The following RNLS variants were observed in gnomAD, a reference collection of about 807,000 sequenced individuals.
RNLS encodes the protein renalase.
RNLS carries 39 observed loss-of-function variants against 39.8 expected under a neutral mutation model. The observed-to-expected ratio is 0.98, with a 90% CI of 0.76 to 1.28. The LOEUF is 1.28. RNLS is among the 50% of genes most tolerant of loss of function. The probability of loss-of-function intolerance (pLI) is 0.00; values close to 1 mark genes in which losing one functional copy is unlikely to be tolerated. For synonymous variants in RNLS, 147 were observed against 150.7 expected (o/e 0.98, Z 0.18); for missense variants, 410 against 413.3 (o/e 0.99, Z 0.07).
chr10:88,252,106 T>C, the RNLS span, among the ~76,000 whole-genome samples: 5 of 152,222 alleles, frequency 3.3e-5, no homozygotes, highest in African/African-American at 1.2e-4. Flanking sequence ...AAACTGCTGG[T>C]GGGTCACCTA....
the RNLS span, among the ~76,000 whole-genome samples, chr10:88,193,395 C>G: frequency 6.6e-6 from 1 of 152,108 alleles, no homozygotes; most frequent in African/African-American, 2.4e-5. Flanking sequence ...GCCAAGCAGT[C>G]AGAACCTTCC....
chr10:88,419,251 TCTTC>T (rs1046636805), intron 4 of RNLS, among the ~76,000 whole-genome samples: 1 of 152,238 alleles, frequency 6.6e-6, no homozygotes, highest in Non-Finnish European at 1.5e-5. Flanking sequence ...GTCTCCTAGC[TCTTC>T]CTTCCAAGAA....
chr10:88,427,877 TTAAG>T (rs1461322700), intron 4 of RNLS, among the ~76,000 whole-genome samples: 2 of 151,930 alleles, frequency 1.3e-5, no homozygotes, highest in African/African-American at 2.4e-5. Context: ...TACAGCATGG[TTAAG>T]TAAGTTCCTC....
chr10:88,520,699 T>C (rs1357016996), intron 4 of RNLS, among the ~76,000 whole-genome samples: 1 of 151,990 alleles, frequency 6.6e-6, no homozygotes, highest in East Asian at 1.9e-4. Flanking sequence ...AAAAACCTCC[T>C]CCTGGAGGAA....
intron 4 of RNLS, among the ~76,000 whole-genome samples, chr10:88,368,701 T>A (rs1209541728): frequency 1.3e-5 from 2 of 152,124 alleles, no homozygotes; most frequent in Non-Finnish European, 2.9e-5. Flanking sequence ...TGGTTAATCG[T>A]TTCATTAATG....
At chr10:88,467,438 T>A (rs1843279013) in intron 4 of RNLS, among the ~76,000 whole-genome samples, 1 of 151,904 alleles carries the variant, frequency 6.6e-6, no homozygotes, top group Non-Finnish European at 1.5e-5. Flanking sequence ...AACCAAAAAA[T>A]TTTTAAAAAT....
At chr10:88,330,899 G>A (rs1409670374) in intron 5 of RNLS, among the ~76,000 whole-genome samples, 1 of 151,630 alleles carries the variant, frequency 6.6e-6, no homozygotes, top group Non-Finnish European at 1.5e-5. Flanking sequence ...AAATAGGCTG[G>A]TACTATTTAA....
At chr10:88,289,415 T>C (rs910435202) in intron 6 of RNLS, among the ~76,000 whole-genome samples, 1 of 152,172 alleles carries the variant, frequency 6.6e-6, no homozygotes, top group African/African-American at 2.4e-5. Flanking sequence ...TGCTGGGTGA[T>C]GTTGCATTAT....
At chr10:88,557,713 G>T (rs1385049639) in intron 4 of RNLS, among the ~76,000 whole-genome samples, 2 of 151,948 alleles carry the variant, frequency 1.3e-5, no homozygotes, top group Non-Finnish European at 2.9e-5. Context: ...TTTGGATTTA[G>T]CACATTATAT....
chr10:88,328,241 A>G (rs1846783518), intron 5 of RNLS, among the ~76,000 whole-genome samples: 1 of 151,746 alleles, frequency 6.6e-6, no homozygotes, highest in Admixed American at 6.6e-5. Context: ...AATTAGAACA[A>G]TCTCATTGAT....
chr10:88,476,142 G>A (rs556515216), intron 4 of RNLS, among the ~76,000 whole-genome samples: 1 of 152,048 alleles, frequency 6.6e-6, no homozygotes, highest in Non-Finnish European at 1.5e-5. Flanking sequence ...CCTATCTAAG[G>A]AACGGATGTG....
At chr10:88,203,252 G>A in the RNLS span, among the ~76,000 whole-genome samples, 5 of 25,782 alleles carry the variant, frequency 1.9e-4, no homozygotes, top group East Asian at 8.3e-4. Flanking sequence ...GTGTGTGTGT[G>A]TGTGTGTGTG....
rs533460920 is a variant in RNLS, at chr10:88,447,738, T to C, written c.527-85013A>G. Among the ~76,000 whole-genome samples, 9 of 152,242 alleles carry C rather than the reference T, an allele frequency of 5.9e-5. 1 individual carries two copies. Among genetic ancestry groups the C allele is most frequent in the South Asian group, 2.1e-4 (1 of 4,818 alleles). On this transcript the variant is annotated intron_variant, in intron 4 of 6. Coordinates refer to ENST00000331772, the MANE Select transcript of RNLS (RefSeq NM_001031709.3). Reference sequence around the variant, plus strand: ...CCAAAGAACAAAGCTGGAGGCATCATGCTACCTGACTTCAAACTAAACTAC... The same window carrying C: ...CCAAAGAACAAAGCTGGAGGCATCACGCTACCTGACTTCAAACTAAACTAC...
chr10:88,367,437 C>A (rs1206569224), intron 4 of RNLS, among the ~76,000 whole-genome samples: 2 of 152,108 alleles, frequency 1.3e-5, no homozygotes, highest in South Asian at 2.1e-4. Flanking sequence ...ATTGCTTATA[C>A]GTATACACTA....
the RNLS span, among the ~76,000 whole-genome samples, chr10:88,211,146 T>C: frequency 2.6e-5 from 4 of 152,264 alleles, no homozygotes; most frequent in African/African-American, 4.8e-5. Context: ...TAAATATCGA[T>C]TTCATCGTCC....
intron 4 of RNLS, among the ~76,000 whole-genome samples, chr10:88,416,461 C>T (rs2133732488): frequency 6.6e-6 from 1 of 152,128 alleles, no homozygotes; most frequent in Non-Finnish European, 1.5e-5. Context: ...CCATGTTGGT[C>T]AGGCTAGTCT....
chr10:88,319,112 A>G (rs1026206260), intron 5 of RNLS, among the ~76,000 whole-genome samples: 1 of 152,198 alleles, frequency 6.6e-6, no homozygotes. Flanking sequence ...TGTCAAATAT[A>G]TTGCTACAAC....
chr10:88,556,777 T>C (rs574675285), intron 4 of RNLS, among the ~76,000 whole-genome samples: 6 of 152,278 alleles, frequency 3.9e-5, no homozygotes, highest in Non-Finnish European at 8.8e-5. Flanking sequence ...TGTTTAAAAA[T>C]CACCTTGTCA....
chr10:88,509,808 T>C (rs1252690508), intron 4 of RNLS, among the ~76,000 whole-genome samples: 1 of 152,114 alleles, frequency 6.6e-6, no homozygotes, highest in Non-Finnish European at 1.5e-5. Context: ...ACAGCTATGA[T>C]TATTAAATAC....
Sources: allele counts gnomAD v4.1 joint callset (sites outside exome capture counted in the v4.1 genomes callset), GRCh38; gene constraint gnomAD v4.1.1; transcripts MANE v1.5; gene names NCBI Gene and HGNC (gene_info 2026-07-23, HGNC 2026-07-21).